The following SPIDR variants were observed in gnomAD, a reference collection of about 807,000 sequenced individuals.
The protein encoded by SPIDR is DNA repair-scaffolding protein.
SPIDR carries 93 observed loss-of-function variants against 104.6 expected under a neutral mutation model. The observed-to-expected ratio is 0.89, with a 90% CI of 0.75 to 1.06. The LOEUF (loss-of-function observed/expected upper bound fraction) is 1.06. Ranked by LOEUF, SPIDR falls within the 50% of genes least tolerant of loss-of-function variation. SPIDR has a pLI of 0.00. For missense variants in SPIDR, 1,154 were observed against 1,111.2 expected (o/e 1.04, Z -0.55); for synonymous variants, 431 against 416.9 (o/e 1.03, Z -0.41).
chr8:47,712,798 G>T lies in SPIDR; in HGVS notation c.2114G>T (p.Gly705Val), dbSNP rs1222051267. The change falls in exon 15 of 20, where the codon GGC (glycine) becomes GTC (valine). Residue 705 changes from glycine (G) to valine (V), a missense_variant. Gly to Val is a moderately radical substitution (Grantham distance 109). Coordinates refer to ENST00000297423, the MANE Select transcript of SPIDR (RefSeq NM_001080394.4). ...TATGTGGCCCCCTTGTGTGTGCTGGGCTCTGAAGTCCTGGAGGCACTCGCT... is the reference window on the plus strand; with the variant it reads ...TATGTGGCCCCCTTGTGTGTGCTGGTCTCTGAAGTCCTGGAGGCACTCGCT... ...LVYVAPLCVLGSEVLEALAGA... is the reference protein window; with the variant it reads ...LVYVAPLCVLVSEVLEALAGA... The T allele has an allele frequency of 2.5e-6, 4 of 1,613,964 alleles. No homozygotes were observed. Among genetic ancestry groups the T allele is most frequent in the Non-Finnish European group, 3.4e-6 (4 of 1,180,042 alleles).
chr8:47,688,681 G>C (rs1362456769), intron 11 of SPIDR: 1 of 152,304 alleles, frequency 6.6e-6, no homozygotes, highest in African/African-American at 2.4e-5. Flanking sequence ...AGCCCTTGCT[G>C]TGTATCCCCT....
chr8:47,290,432 T>C (rs2154237339), intron 3 of SPIDR, among the ~76,000 whole-genome samples: 1 of 152,316 alleles, frequency 6.6e-6, no homozygotes, highest in Non-Finnish European at 1.5e-5. Flanking sequence ...TCAGTGTCAG[T>C]ATCCTGGTTG....
chr8:47,450,030 G>T (rs1055437619), intron 8 of SPIDR, among the ~76,000 whole-genome samples: 1 of 152,116 alleles, frequency 6.6e-6, no homozygotes, highest in Non-Finnish European at 1.5e-5. Flanking sequence ...CAGGCACGAT[G>T]GTGCATGCAT....
At chr8:47,475,215 C>A (rs1490664923) in intron 8 of SPIDR, among the ~76,000 whole-genome samples, 5 of 152,204 alleles carry the variant, frequency 3.3e-5, no homozygotes, top group African/African-American at 1.2e-4. Context: ...CTGCTGGTCC[C>A]TTCTCTCCTG....
At chr8:47,418,628 T>C (rs987507418) in intron 7 of SPIDR, among the ~76,000 whole-genome samples, 27 of 152,170 alleles carry the variant, frequency 1.8e-4, no homozygotes, top group Non-Finnish European at 3.5e-4. Context: ...TCCTGCCTGA[T>C]TGCCCTGGCC....
intron 1 of SPIDR, among the ~76,000 whole-genome samples, chr8:47,267,953 A>G (rs1293603303): frequency 6.6e-6 from 1 of 152,166 alleles, no homozygotes; most frequent in Non-Finnish European, 1.5e-5. Context: ...TTCTTCCAAG[A>G]GTTACAGTTT....
At chr8:47,424,278 T>G (rs2066053216) in intron 7 of SPIDR, among the ~76,000 whole-genome samples, 1 of 152,218 alleles carries the variant, frequency 6.6e-6, no homozygotes, top group Non-Finnish European at 1.5e-5. Context: ...TTTGATATCA[T>G]AGTTTTTAAA....
intron 7 of SPIDR, among the ~76,000 whole-genome samples, chr8:47,434,401 C>A (rs1371210230): frequency 6.6e-6 from 1 of 152,010 alleles, no homozygotes; most frequent in African/African-American, 2.4e-5. Context: ...GACAAAAGTA[C>A]CAATTTCAGG....
chr8:47,343,644 C>A (rs997641245), intron 5 of SPIDR, among the ~76,000 whole-genome samples: 2 of 152,108 alleles, frequency 1.3e-5, no homozygotes, highest in Non-Finnish European at 2.9e-5. Flanking sequence ...CAGAAAGCAG[C>A]GTGACATGGG....
intron 8 of SPIDR, among the ~76,000 whole-genome samples, chr8:47,448,163 A>G (rs2071031427): frequency 6.6e-6 from 1 of 152,144 alleles, no homozygotes; most frequent in Non-Finnish European, 1.5e-5. Flanking sequence ...TTCCTTCCCA[A>G]TACTCATGCT....
intron 10 of SPIDR, among the ~76,000 whole-genome samples, chr8:47,633,029 G>C (rs951369478): frequency 6.6e-6 from 1 of 152,186 alleles, no homozygotes; most frequent in African/African-American, 2.4e-5. Flanking sequence ...TTCACATTCT[G>C]TGCTCAGTAG....
chr8:47,649,036 G>A (rs997525854), intron 10 of SPIDR, among the ~76,000 whole-genome samples: 25 of 152,020 alleles, frequency 1.6e-4, no homozygotes, highest in African/African-American at 5.6e-4. Context: ...AAAAGTCAGC[G>A]TCATCAGTAT....
chr8:47,541,773 C>A (rs2088193865), intron 8 of SPIDR, among the ~76,000 whole-genome samples: 1 of 151,944 alleles, frequency 6.6e-6, no homozygotes, highest in Non-Finnish European at 1.5e-5. Flanking sequence ...GTGGTGCACA[C>A]CTGTAGTCTC....
intron 5 of SPIDR, among the ~76,000 whole-genome samples, chr8:47,367,262 C>G (rs1454988358): frequency 1.3e-5 from 2 of 152,112 alleles, no homozygotes; most frequent in Admixed American, 1.3e-4. Context: ...CAGTTGATAG[C>G]CAACAAGGAA....
chr8:47,414,311 A>C (rs1372785616), intron 7 of SPIDR, among the ~76,000 whole-genome samples: 1 of 152,188 alleles, frequency 6.6e-6, no homozygotes, highest in Non-Finnish European at 1.5e-5. Context: ...GAAAAATACC[A>C]AGTTAAACAT....
Position 47,298,913 on chromosome 8 carries a change from C to T in SPIDR, c.525+4883C>T, listed in dbSNP as rs1271590984. Among the ~76,000 whole-genome samples the T allele has an allele frequency of 4.6e-5, 7 of 152,126 alleles. No homozygotes were observed. In the East Asian group the frequency reaches 1.3e-3, roughly 29 times the overall value. On this transcript the variant is annotated intron_variant, in intron 5 of 19. Coordinates refer to ENST00000297423, the MANE Select transcript of SPIDR (RefSeq NM_001080394.4). ...GATGCCTCCAGCTTTGTTCTTATGG[C>T]TTAGGATTGACTTGGCAATGCAGGC... is the stretch of plus-strand genomic sequence containing the variant.
intron 7 of SPIDR, among the ~76,000 whole-genome samples, chr8:47,421,660 C>T (rs782578870): frequency 7.9e-5 from 12 of 152,188 alleles, no homozygotes; most frequent in African/African-American, 1.7e-4. Context: ...TGAGGAGTTG[C>T]GTTCCTTTGG....
intron 19 of SPIDR, among the ~76,000 whole-genome samples, chr8:47,733,864 C>T (rs950163280): frequency 6.6e-6 from 1 of 152,122 alleles, no homozygotes; most frequent in African/African-American, 2.4e-5. Flanking sequence ...ACCCACTTCC[C>T]CCATCACTAC....
rs145480424 is a variant in SPIDR, at chr8:47,267,130, G to A, written c.33+6139G>A. ...CTGCATTTGAAAAATCCATTTATTA[G>A]TTGATAGACATTTGGATTATTTCCA... On this transcript the variant is annotated intron_variant, in intron 1 of 19. Coordinates refer to ENST00000297423, the MANE Select transcript of SPIDR (RefSeq NM_001080394.4). 3.6e-4 allele frequency among the ~76,000 whole-genome samples: 54 copies of A among 152,022 alleles called. No homozygotes were observed. In the South Asian group the frequency reaches 7.1e-3, roughly 20 times the overall value.
Sources: gnomAD v4.1 joint callset for allele counts (sites outside exome capture counted in the v4.1 genomes callset) on GRCh38, gnomAD v4.1.1 for gene constraint, MANE v1.5 for transcripts, NCBI Gene and HGNC (gene_info 2026-07-23, HGNC 2026-07-21) for gene names.